The following SRGAP2 variants were observed in gnomAD, a reference collection of about 807,000 sequenced individuals.
The protein encoded by SRGAP2 is SLIT-ROBO Rho GTPase-activating protein 2.
Under a neutral mutation model 57.2 loss-of-function variants are expected in SRGAP2, and 15 were observed. That is an observed-to-expected ratio of 0.26 (90% CI 0.18 to 0.40). The LOEUF is 0.40. Among genes scored for constraint, SRGAP2 ranks in the 10% least tolerant of loss-of-function variants. SRGAP2 has a pLI of 1.00. For synonymous variants in SRGAP2, 249 were observed against 248.0 expected (o/e 1.00, Z -0.04); for missense variants, 520 against 669.6 (o/e 0.78, Z 2.47).
At chr1:206,353,978 A>G (rs1353490392) in intron 4 of SRGAP2, among the ~76,000 whole-genome samples, 1 of 151,532 alleles carries the variant, frequency 6.6e-6, no homozygotes, top group Non-Finnish European at 1.5e-5. Flanking sequence ...TTTTTTAGAG[A>G]TGGGGTCTCG....
At chr1:206,213,098 C>T (rs1276622256) in intron 2 of SRGAP2, among the ~76,000 whole-genome samples, 4 of 151,968 alleles carry the variant, frequency 2.6e-5, no homozygotes, top group Non-Finnish European at 2.9e-5. Context: ...GGCTGAGGCA[C>T]GAGAATCACT....
rs752458181 is a variant in SRGAP2, at chr1:206,403,870, GA to G, written c.1057-1378del. Among the ~76,000 whole-genome samples the G allele has an allele frequency of 3.2e-3, 480 of 148,094 alleles. 3 individuals carry two copies. The highest frequency in any genetic ancestry group is 8.3e-3 in the Admixed American group (124 of 14,872). ...TGCAGATTGTGGAGGCAACAGGAGG[GA>G]GCTGCCTGGAAGTCGTTGAACTAGG... On this transcript the variant is annotated intron_variant, in intron 8 of 22. Coordinates refer to ENST00000573034, the MANE Select transcript of SRGAP2 (RefSeq NM_015326.5).
At chr1:206,453,079 T>C (rs1041001676) in intron 19 of SRGAP2, 121 bp from the exon 20 acceptor site, 42 of 447,542 alleles carry the variant, frequency 9.4e-5, no homozygotes, top group African/African-American at 8.6e-4. Flanking sequence ...CATCCATGGC[T>C]TCGTTTTCCC....
At chr1:206,455,237 G>T in intron 21 of SRGAP2, 1 of 598,750 alleles carries the variant, frequency 1.7e-6, no homozygotes, top group East Asian at 2.9e-5. Flanking sequence ...CCAGCTAGCT[G>T]CCCTCGTGCT....
chr1:206,311,297 G>T (rs574146338), intron 3 of SRGAP2, among the ~76,000 whole-genome samples: 3,444 of 152,126 alleles, frequency 0.023, 124 homozygotes, highest in African/African-American at 0.079. Context: ...AAGGACAAGT[G>T]TAGGAAAGAC....
intron 4 of SRGAP2, among the ~76,000 whole-genome samples, chr1:206,370,395 A>G (rs1391399017): frequency 6.6e-6 from 1 of 152,276 alleles, no homozygotes; most frequent in Admixed American, 6.5e-5. Flanking sequence ...TGTCATGTCC[A>G]TACAATAGAG....
In SRGAP2 at chr1:206,454,092, G is replaced by C; in HGVS notation, c.2360+712G>C. 1 of 702,078 alleles carries C rather than the reference G, an allele frequency of 1.4e-6. No homozygotes were observed. The highest frequency in any genetic ancestry group is 2.0e-5 in the Admixed American group (1 of 49,938). 43.5% of individuals were successfully genotyped at this position (702,078 alleles called of 1,614,324 possible). A position where few individuals can be genotyped will look rare whatever the true frequency, so the allele number is the denominator to read the frequency against. On this transcript the variant is annotated intron_variant, in intron 20 of 22. Transcript: ENST00000573034. The surrounding 1 kb of genome is among the most constrained non-coding windows in gnomAD (Gnocchi z 4.3). ...CTCTGTCCCCAGCTCCCCTCCCTTGGATACGATGCTGTCAGTGTTTTTAGT... is the reference window on the plus strand; with the variant it reads ...CTCTGTCCCCAGCTCCCCTCCCTTGCATACGATGCTGTCAGTGTTTTTAGT...
chr1:206,403,231 C>T (rs2103149869), intron 8 of SRGAP2, among the ~76,000 whole-genome samples: 1 of 133,562 alleles, frequency 7.5e-6, no homozygotes. Context: ...CACCAAGCCT[C>T]AGGAAGCCCC....
chr1:206,374,181 C>T (rs575717254), intron 4 of SRGAP2, among the ~76,000 whole-genome samples: 3,097 of 151,466 alleles, frequency 0.02, 108 homozygotes, highest in African/African-American at 0.069. Context: ...CCCGCCACTA[C>T]GCCCGGCTAA....
At chr1:206,422,151 G>A (rs1454087869) in intron 13 of SRGAP2, among the ~76,000 whole-genome samples, 1 of 152,168 alleles carries the variant, frequency 6.6e-6, no homozygotes, top group African/African-American at 2.4e-5. Context: ...AATTCTCAGT[G>A]GCTCTAGCCA....
At chr1:206,279,954 C>A (rs1670635146) in intron 2 of SRGAP2, among the ~76,000 whole-genome samples, 1 of 150,746 alleles carries the variant, frequency 6.6e-6, no homozygotes, top group Non-Finnish European at 1.5e-5. Context: ...GGGGGCAGTT[C>A]TTTTGGCCTA....
chr1:206,248,977 C>T (rs1255225354), intron 2 of SRGAP2, among the ~76,000 whole-genome samples: 7 of 152,094 alleles, frequency 4.6e-5, no homozygotes, highest in Non-Finnish European at 7.4e-5. Flanking sequence ...GTTTACCCCT[C>T]TGTTCAAATT....
chr1:206,412,579 A>T (rs1659313955), intron 10 of SRGAP2, among the ~76,000 whole-genome samples: 1 of 152,220 alleles, frequency 6.6e-6, no homozygotes, highest in Non-Finnish European at 1.5e-5. Context: ...AAGGAGAGTG[A>T]TCCTCATTGC....
chr1:206,461,492 C>G lies in SRGAP2; in HGVS notation c.*72C>G. ...CTGTTATTAAAATCTTCCTATTTAA[C>G]TAGCTTGGGGACTTCAGTTGAAAAT... On this transcript the variant is annotated 3_prime_UTR_variant, in exon 23 of 23. Transcript: ENST00000573034. 1.5e-6 allele frequency: 1 copy of G among 667,008 alleles called. No homozygotes were observed. Among genetic ancestry groups the G allele is most frequent in the Non-Finnish European group, 2.8e-6 (1 of 362,762 alleles). 41.3% of individuals were successfully genotyped at this position (667,008 alleles called of 1,614,324 possible). A position where few individuals can be genotyped will look rare whatever the true frequency, so the allele number is the denominator to read the frequency against.
intron 3 of SRGAP2, among the ~76,000 whole-genome samples, chr1:206,309,485 G>C (rs1413283342): frequency 5.4e-5 from 8 of 148,320 alleles, no homozygotes; most frequent in African/African-American, 2.0e-4. Flanking sequence ...AAAAAAAGTT[G>C]GGGGAGTGGA....
chr1:206,457,812 T>A (rs1663960509), intron 21 of SRGAP2, among the ~76,000 whole-genome samples: 1 of 152,192 alleles, frequency 6.6e-6, no homozygotes, highest in Non-Finnish European at 1.5e-5. Context: ...AGATTCAAGA[T>A]CAGAGCTGTT....
At chr1:206,443,747 A>G (rs1662513034) in intron 17 of SRGAP2, among the ~76,000 whole-genome samples, 1 of 152,386 alleles carries the variant, frequency 6.6e-6, no homozygotes, top group Admixed American at 6.5e-5. Context: ...CACAGCCTTC[A>G]GGGACTTCAA....
intron 3 of SRGAP2, among the ~76,000 whole-genome samples, chr1:206,306,649 T>A (rs1672221518): frequency 6.6e-6 from 1 of 152,180 alleles, no homozygotes; most frequent in South Asian, 2.1e-4. Flanking sequence ...TGGCCTGTTT[T>A]GTCAGGGTAC....
At chr1:206,447,993 G>A (rs12129635) in intron 18 of SRGAP2, among the ~76,000 whole-genome samples, 12 of 152,156 alleles carry the variant, frequency 7.9e-5, no homozygotes, top group Non-Finnish European at 1.3e-4. Context: ...CATTACTACC[G>A]CAGACTGTGT....
Sources: allele counts gnomAD v4.1 joint callset (sites outside exome capture counted in the v4.1 genomes callset), GRCh38; gene constraint gnomAD v4.1.1; non-coding constraint Gnocchi (gnomAD v3.1); transcripts MANE v1.5; gene names NCBI Gene and HGNC (gene_info 2026-07-23, HGNC 2026-07-21).